The following TRAPPC9 variants were observed in gnomAD, a reference collection of about 807,000 sequenced individuals.
TRAPPC9 encodes the protein trafficking protein particle complex subunit 9, also known as IKK2 binding protein.
Under a neutral mutation model 124.0 loss-of-function variants are expected in TRAPPC9, and 83 were observed. The observed-to-expected ratio is 0.67, with a 90% CI of 0.56 to 0.80. The LOEUF is 0.80. TRAPPC9 is among the 30% of genes least tolerant of loss of function. TRAPPC9 has a pLI of 0.00. For synonymous variants in TRAPPC9, 638 were observed against 617.5 expected, an observed-to-expected ratio of 1.03 and a Z score of -0.49; for missense variants, 1,302 against 1,508.3, an observed-to-expected ratio of 0.86 and a Z score of 2.27.
intron 17 of TRAPPC9, among the ~76,000 whole-genome samples, chr8:140,220,448 A>G (rs2063311758): frequency 1.3e-5 from 2 of 152,104 alleles, no homozygotes; most frequent in African/African-American, 4.8e-5. Flanking sequence ...TGCAAACAGA[A>G]GCTCTCCAGG....
chr8:139,776,458 G>T lies in TRAPPC9; in HGVS notation c.3056-44256C>A, dbSNP rs549318927. ...GAAGACACATGCTCATCACCCAGGG[G>T]TTAGCGTCGCTTGTTTACACAGGTG... On this transcript the variant is annotated intron_variant, in intron 21 of 22. Transcript: ENST00000438773. This position sits in a 1 kb window ranked among gnomAD's most constrained non-coding sequence, Gnocchi z 4.1. 3.3e-5 allele frequency among the ~76,000 whole-genome samples: 5 copies of T among 152,360 alleles called. No homozygotes were observed. Among genetic ancestry groups the T allele is most frequent in the Admixed American group, 2.0e-4 (3 of 15,308 alleles).
At chr8:140,306,625 G>T (rs532893320) in intron 10 of TRAPPC9, among the ~76,000 whole-genome samples, 2 of 152,172 alleles carry the variant, frequency 1.3e-5, no homozygotes, top group South Asian at 4.1e-4. Context: ...ACATTAAAGC[G>T]TGCACATTTT....
intron 14 of TRAPPC9, among the ~76,000 whole-genome samples, chr8:140,279,631 C>T (rs558572718): frequency 1.1e-4 from 16 of 152,238 alleles, no homozygotes; most frequent in South Asian, 4.1e-4. Context: ...CCGTGGTGGC[C>T]GCCCACAGCA....
chr8:139,979,428 C>T (rs934331638), intron 19 of TRAPPC9, among the ~76,000 whole-genome samples: 1 of 152,168 alleles, frequency 6.6e-6, no homozygotes, highest in Non-Finnish European at 1.5e-5. Flanking sequence ...CGGACACGAA[C>T]GGACACGGGT....
chr8:140,185,231 C>T (rs2062324897), intron 17 of TRAPPC9, among the ~76,000 whole-genome samples: 1 of 152,198 alleles, frequency 6.6e-6, no homozygotes, highest in African/African-American at 2.4e-5. Flanking sequence ...CACATAAGGA[C>T]AGGACGCACC....
intron 20 of TRAPPC9, among the ~76,000 whole-genome samples, chr8:139,899,120 CAAAAAAAAAAAA>C (rs33927933): frequency 4.4e-5 from 2 of 45,468 alleles, no homozygotes; most frequent in Admixed American, 2.8e-4. Context: ...AACTCCGTCT[CAAAAAAAAAAAA>C]AAAAAAAAAA....
At chr8:139,857,445 T>G (rs974026069) in intron 21 of TRAPPC9, among the ~76,000 whole-genome samples, 1 of 152,156 alleles carries the variant, frequency 6.6e-6, no homozygotes, top group African/African-American at 2.4e-5. Context: ...TTATCTCCAC[T>G]TGACAGCTGG....
At chr8:140,273,408 G>A (rs1037573694) in intron 15 of TRAPPC9, among the ~76,000 whole-genome samples, 1 of 152,200 alleles carries the variant, frequency 6.6e-6, no homozygotes, top group Non-Finnish European at 1.5e-5. Flanking sequence ...CCTGGCCACC[G>A]ACAGCTGTGA....
intron 17 of TRAPPC9, among the ~76,000 whole-genome samples, chr8:140,160,015 C>T (rs1379922889): frequency 6.6e-6 from 1 of 152,204 alleles, no homozygotes; most frequent in Non-Finnish European, 1.5e-5. Context: ...TCTCAAAAGA[C>T]ATTTATGCAC....
In TRAPPC9 at chr8:139,728,552, G is replaced by A. The variant is rs1817663784; in HGVS notation, c.*2509C>T. Among the ~76,000 whole-genome samples, 1 of 152,160 alleles carries A rather than the reference G, an allele frequency of 6.6e-6. No homozygotes were observed. The highest frequency in any genetic ancestry group is 2.1e-4 in the South Asian group (1 of 4,828). ...CACTGCCCACAAACACAGCTCCACA[G>A]CCAGAAAGACCCAGCCACAGAAATG... On this transcript the variant is annotated 3_prime_UTR_variant, in exon 23 of 23. Transcript: ENST00000438773.
rs950511682 is a variant in TRAPPC9 at position 140,360,326 on chromosome 8, A to G, written c.1352-133T>C. ...CCAAACTCCAAGAGCAACAAAAAAT[A>G]TTTCCTCTGCTTTTAATGACCCTGG... On this transcript the variant is annotated intron_variant, in intron 8 of 22. Coordinates refer to ENST00000438773, the MANE Select transcript of TRAPPC9 (RefSeq NM_001160372.4). 98 of 1,184,120 alleles carry G rather than the reference A, an allele frequency of 8.3e-5. 1 individual carries two copies. Among genetic ancestry groups the G allele is most frequent in the Non-Finnish European group, 1.2e-4 (97 of 824,702 alleles). The allele number at this position is 1,184,120 out of a possible 1,614,324, so 73.4% of individuals were successfully genotyped here. A position where few individuals can be genotyped will look rare whatever the true frequency, so the allele number is the denominator to read the frequency against.
intron 18 of TRAPPC9, 66 bp from the exon 19 acceptor site, chr8:139,988,902 T>C (rs1377646766): frequency 8.8e-7 from 1 of 1,142,798 alleles, no homozygotes; most frequent in African/African-American, 1.5e-5. Context: ...TTTCCCTTTT[T>C]CTCCTCTCCA....
At chr8:140,127,415 C>A (rs555504939) in intron 17 of TRAPPC9, among the ~76,000 whole-genome samples, 1 of 152,194 alleles carries the variant, frequency 6.6e-6, no homozygotes, top group Non-Finnish European at 1.5e-5. Flanking sequence ...ATACATCATA[C>A]CCTATAAAAC....
At position 140,090,600 on chromosome 8, in the gene TRAPPC9, G is replaced by T. The variant is rs576577790; in HGVS notation, c.2557-66521C>A. ...CCATAATTCCAGATTTCCTGGCCACGCCAGCTGCGTAGAGGTCCGGGCCAG... is the reference window on the plus strand; with the variant it reads ...CCATAATTCCAGATTTCCTGGCCACTCCAGCTGCGTAGAGGTCCGGGCCAG... On this transcript the variant is annotated intron_variant, in intron 17 of 22. Coordinates refer to ENST00000438773, the MANE Select transcript of TRAPPC9 (RefSeq NM_001160372.4). 1.4e-4 allele frequency among the ~76,000 whole-genome samples: 22 copies of T among 152,336 alleles called. No homozygotes were observed. The South Asian group carries it at 4.3e-3, about 30-fold the overall frequency.
At chr8:139,853,935 A>G (rs1419448130) in intron 21 of TRAPPC9, among the ~76,000 whole-genome samples, 1 of 152,228 alleles carries the variant, frequency 6.6e-6, no homozygotes, top group Non-Finnish European at 1.5e-5. Context: ...TAGTTATCAC[A>G]TACATGTGTA....
chr8:140,250,792 C>A (rs2064114928), intron 16 of TRAPPC9, among the ~76,000 whole-genome samples: 2 of 152,172 alleles, frequency 1.3e-5, no homozygotes, highest in Admixed American at 1.3e-4. Context: ...GGGGGCATCT[C>A]ATGAGTAACC....
intron 3 of TRAPPC9, among the ~76,000 whole-genome samples, chr8:140,435,563 T>C (rs1341316022): frequency 6.6e-6 from 1 of 152,210 alleles, no homozygotes; most frequent in Admixed American, 6.5e-5. Flanking sequence ...CGTTCATCCA[T>C]TCACGTGGCC....
At chr8:140,094,642 CA>C (rs528923827) in intron 17 of TRAPPC9, among the ~76,000 whole-genome samples, 99 of 152,262 alleles carry the variant, frequency 6.5e-4, no homozygotes, top group African/African-American at 2.3e-3. Flanking sequence ...GGGAAGTCCT[CA>C]AGAAGAGGGC....
intron 12 of TRAPPC9, 93 bp from the exon 13 acceptor site, chr8:140,287,827 C>A (rs1424083720): frequency 5.8e-6 from 9 of 1,542,422 alleles, no homozygotes; most frequent in Non-Finnish European, 8.0e-6. Flanking sequence ...TATGGCACAT[C>A]GGAACTGCTG....
Sources: allele counts gnomAD v4.1 joint callset (sites outside exome capture counted in the v4.1 genomes callset), GRCh38; gene constraint gnomAD v4.1.1; non-coding constraint Gnocchi (gnomAD v3.1); transcripts MANE v1.5; gene names NCBI Gene and HGNC (gene_info 2026-07-23, HGNC 2026-07-21).